The following RASSF3 variants were observed in gnomAD, a reference collection of about 807,000 sequenced individuals.
RASSF3 encodes ras association domain-containing protein 3.
Under a neutral mutation model 19.9 loss-of-function variants are expected in RASSF3, and 19 were observed. The observed-to-expected ratio is 0.96, with a 90% CI of 0.67 to 1.40. The LOEUF (loss-of-function observed/expected upper bound fraction) is 1.40, where lower values mean the gene tolerates loss of function less well. RASSF3 is among the 40% of genes most tolerant of loss of function. The pLI is 0.00. For synonymous variants in RASSF3, 110 were observed against 104.2 expected, an observed-to-expected ratio of 1.06 and a Z score of -0.34; for missense variants, 306 against 289.8, an observed-to-expected ratio of 1.06 and a Z score of -0.41.
chr12:64,561,658 C>T (rs1869348529), intron 2 of RASSF3, among the ~76,000 whole-genome samples: 1 of 151,692 alleles, frequency 6.6e-6, no homozygotes, highest in African/African-American at 2.4e-5. Context: ...AAAAATGCCT[C>T]AGGGAGTCAC....
rs142487140 is a variant in RASSF3, at chr12:64,526,815, G to A, written c.170-14766G>A. On this transcript the variant is annotated intron_variant, in intron 1 of 5. Coordinates refer to the RASSF3 transcript ENST00000637125. ...CTTGCCTTAGCCTCCCAAAGTGCTAGGATTACAGGCGTGAGCCACTGCACC... is the reference window on the plus strand; with the variant it reads ...CTTGCCTTAGCCTCCCAAAGTGCTAAGATTACAGGCGTGAGCCACTGCACC... Among the ~76,000 whole-genome samples, 37 of 152,298 alleles carry A rather than the reference G, an allele frequency of 2.4e-4. No homozygotes were observed. The East Asian group carries it at 5.6e-3, about 23-fold the overall frequency.
intron 1 of RASSF3, among the ~76,000 whole-genome samples, chr12:64,672,602 GGGCTCA>G (rs1328728589): frequency 6.6e-6 from 1 of 152,018 alleles, no homozygotes; most frequent in African/African-American, 2.4e-5. Context: ...TCTACCTTCT[GGGCTCA>G]GGCAATCCTC....
chr12:64,611,903 A>G (rs1246357034), intron 1 of RASSF3, among the ~76,000 whole-genome samples: 1 of 152,168 alleles, frequency 6.6e-6, no homozygotes, highest in East Asian at 1.9e-4. Context: ...TAAGTCCCAA[A>G]CCAGGAGGAG....
At chr12:64,692,464 A>C (rs1165587982) in intron 4 of RASSF3, among the ~76,000 whole-genome samples, 3 of 152,202 alleles carry the variant, frequency 2.0e-5, no homozygotes, top group Non-Finnish European at 4.4e-5. Context: ...TATACATGTA[A>C]GTGAAGGGAG....
chr12:64,585,096 G>C (rs777184097), intron 2 of RASSF3, among the ~76,000 whole-genome samples: 15 of 152,132 alleles, frequency 9.9e-5, no homozygotes, highest in Non-Finnish European at 2.1e-4. Flanking sequence ...ATGTTGGCCA[G>C]GATGGTCTCA....
At chr12:64,553,418 T>A (rs1869198709) in intron 2 of RASSF3, among the ~76,000 whole-genome samples, 1 of 152,172 alleles carries the variant, frequency 6.6e-6, no homozygotes, top group Non-Finnish European at 1.5e-5. Flanking sequence ...GGTAAACTAC[T>A]GCAAAGAAAT....
At chr12:64,641,684 C>T (rs1288822295) in intron 1 of RASSF3, among the ~76,000 whole-genome samples, 12 of 148,266 alleles carry the variant, frequency 8.1e-5, no homozygotes, top group Admixed American at 2.0e-4. Flanking sequence ...GGCATTTAAG[C>T]GGTTGAATAT....
downstream of RASSF3, among the ~76,000 whole-genome samples, chr12:64,542,904 T>G (rs1348251115): frequency 1.3e-5 from 2 of 152,056 alleles, no homozygotes; most frequent in Non-Finnish European, 2.9e-5. Context: ...CGGAGGCGGC[T>G]CCCTCAGTCT....
chr12:64,640,910 G>A (rs1441938869), intron 1 of RASSF3, among the ~76,000 whole-genome samples: 1 of 151,958 alleles, frequency 6.6e-6, no homozygotes, highest in African/African-American at 2.4e-5. Context: ...CCAAAGTGCT[G>A]GGAGGTCTCA....
intron 1 of RASSF3, among the ~76,000 whole-genome samples, chr12:64,673,122 A>C (rs141576718): frequency 6.6e-6 from 1 of 152,164 alleles, no homozygotes; most frequent in Non-Finnish European, 1.5e-5. Flanking sequence ...CAGTCTTGAG[A>C]CTTGACCTCC....
chr12:64,577,561 G>A (rs1242451165), intron 2 of RASSF3, among the ~76,000 whole-genome samples: 9 of 151,756 alleles, frequency 5.9e-5, no homozygotes, highest in East Asian at 3.9e-4. Flanking sequence ...GGGAATCCCC[G>A]TCTCTACTAG....
intron 3 of RASSF3, among the ~76,000 whole-genome samples, chr12:64,690,625 C>T (rs1690262): frequency 2.6e-5 from 4 of 151,598 alleles, no homozygotes; most frequent in Non-Finnish European, 5.9e-5. Context: ...ATAGGCGGGC[C>T]CCATTATGCC....
At chr12:64,510,393 A>C (rs73315519) in intron 1 of RASSF3, among the ~76,000 whole-genome samples, 2,294 of 152,296 alleles carry the variant, frequency 0.015, 71 homozygotes, top group African/African-American at 0.051. Context: ...GGCAACTATC[A>C]ACATCAGATT....
At chr12:64,541,224 G>A (rs182541441) in intron 1 of RASSF3, among the ~76,000 whole-genome samples, 214 of 151,114 alleles carry the variant, frequency 1.4e-3, no homozygotes, top group African/African-American at 5.0e-3. Context: ...GGGCTCAATA[G>A]ATCCGCCCGC....
chr12:64,589,691 G>A (rs1415477717), intron 2 of RASSF3, among the ~76,000 whole-genome samples: 1 of 151,964 alleles, frequency 6.6e-6, no homozygotes, highest in Admixed American at 6.6e-5. Flanking sequence ...GCCAAGGCAG[G>A]AAGATCACTT....
chr12:64,616,066 C>T (rs1870541789), intron 1 of RASSF3, among the ~76,000 whole-genome samples: 1 of 152,196 alleles, frequency 6.6e-6, no homozygotes, highest in Non-Finnish European at 1.5e-5. Context: ...AGGTGATTTA[C>T]ACATCTTTTC....
intron 2 of RASSF3, among the ~76,000 whole-genome samples, chr12:64,575,131 C>A (rs910108318): frequency 6.6e-6 from 1 of 152,194 alleles, no homozygotes; most frequent in African/African-American, 2.4e-5. Flanking sequence ...ATGTACATAG[C>A]AAATCCTAAA....
downstream of RASSF3, among the ~76,000 whole-genome samples, chr12:64,543,675 G>A (rs1005106606): frequency 3.1e-4 from 47 of 151,206 alleles, 1 homozygote; most frequent in African/African-American, 1.1e-3. Context: ...CTCCGCCTGC[G>A]CCCCTAGTGC....
At chr12:64,603,692 T>A (rs1870135041) in intron 2 of RASSF3, among the ~76,000 whole-genome samples, 1 of 152,230 alleles carries the variant, frequency 6.6e-6, no homozygotes, top group South Asian at 2.1e-4. Context: ...GTTTTGCATG[T>A]CTTAGTTTAC....
Sources: allele counts gnomAD v4.1 joint callset (sites outside exome capture counted in the v4.1 genomes callset), GRCh38; gene constraint gnomAD v4.1.1; transcripts MANE v1.5; gene names NCBI Gene and HGNC (gene_info 2026-07-23, HGNC 2026-07-21).